The following PAAF1 variants were observed in gnomAD, a reference collection of about 807,000 sequenced individuals.
The protein encoded by PAAF1 is proteasomal ATPase-associated factor 1.
In PAAF1, 46 loss-of-function variants were observed where a neutral mutation model predicts 52.8. That is an observed-to-expected ratio of 0.87 (90% CI 0.69 to 1.11). The LOEUF (loss-of-function observed/expected upper bound fraction) is 1.11, where lower values mean the gene tolerates loss of function less well. Ranked by LOEUF, PAAF1 falls within the 50% of genes most tolerant of loss-of-function variation. The pLI, the probability that PAAF1 is intolerant of heterozygous loss-of-function variation, is 0.00. For missense variants in PAAF1, 424 were observed against 477.4 expected, an observed-to-expected ratio of 0.89 and a Z score of 1.04; for synonymous variants, 178 against 172.8, an observed-to-expected ratio of 1.03 and a Z score of -0.24.
rs1402977095 is a variant in PAAF1, at chr11:73,927,485, A to G, written c.*123A>G. 2 of 807,172 alleles carry G rather than the reference A, an allele frequency of 2.5e-6. No individual in the cohort carries two copies. Among genetic ancestry groups the G allele is most frequent in the African/African-American group, 3.4e-5 (2 of 58,746 alleles). The allele number at this position is 807,172 out of a possible 1,614,324, so 50.0% of individuals were successfully genotyped here. A position where few individuals can be genotyped will look rare whatever the true frequency, so the allele number is the denominator to read the frequency against. ...ATGTCTTGGGCACCCCTTGGAAATCACAGAAAGTCAGCTGTACTGGCCGTG... is the reference window on the plus strand; with the variant it reads ...ATGTCTTGGGCACCCCTTGGAAATCGCAGAAAGTCAGCTGTACTGGCCGTG... On this transcript the variant is annotated 3_prime_UTR_variant, in exon 12 of 12. Coordinates refer to ENST00000310571, the MANE Select transcript of PAAF1 (RefSeq NM_025155.3).
intron 6 of PAAF1, among the ~76,000 whole-genome samples, chr11:73,902,697 T>C (rs1292771279): frequency 6.6e-6 from 1 of 152,096 alleles, no homozygotes; most frequent in Non-Finnish European, 1.5e-5. Flanking sequence ...TATTTATTTA[T>C]TTATTATTAT....
chr11:73,908,348 T>C (rs906318231), intron 6 of PAAF1, among the ~76,000 whole-genome samples: 2 of 146,076 alleles, frequency 1.4e-5, no homozygotes, highest in African/African-American at 5.0e-5. Flanking sequence ...TGTATATATG[T>C]GTATATATGT....
At chr11:73,904,364 T>G (rs1949702038) in intron 6 of PAAF1, among the ~76,000 whole-genome samples, 1 of 152,174 alleles carries the variant, frequency 6.6e-6, no homozygotes, top group Non-Finnish European at 1.5e-5. Flanking sequence ...TTTGGGGATA[T>G]ACATTTATAA....
chr11:73,889,210 A>T (rs1427261106), intron 3 of PAAF1: 4 of 1,490,146 alleles, frequency 2.7e-6, no homozygotes, highest in Non-Finnish European at 3.6e-6. Flanking sequence ...CATGATTGCT[A>T]ATTTTTGCTG....
chr11:73,901,938 A>G (rs1348104525), intron 6 of PAAF1, among the ~76,000 whole-genome samples: 3 of 136,564 alleles, frequency 2.2e-5, no homozygotes, highest in Non-Finnish European at 4.6e-5. Context: ...AGCTCGGCTC[A>G]CTGCAACCTC....
intron 7 of PAAF1, among the ~76,000 whole-genome samples, chr11:73,911,462 C>T (rs937200378): frequency 1.3e-5 from 2 of 151,530 alleles, no homozygotes; most frequent in East Asian, 3.9e-4. Context: ...GGATTACAAG[C>T]ATGAGCCACA....
intron 6 of PAAF1, among the ~76,000 whole-genome samples, chr11:73,906,514 G>A (rs997278313): frequency 3.9e-5 from 6 of 152,164 alleles, no homozygotes; most frequent in African/African-American, 1.4e-4. Context: ...GACTCCCAAA[G>A]TGCTGGGATT....
rs1256631344 is a variant in PAAF1 at position 73,897,239 on chromosome 11, C to T, written c.283-1907C>T. Among the ~76,000 whole-genome samples, 263 of 147,964 alleles carry T rather than the reference C, an allele frequency of 1.8e-3. 9 individuals are homozygous for T. The highest frequency in any genetic ancestry group is 6.3e-3 in the African/African-American group (252 of 39,860). On this transcript the variant is annotated intron_variant, in intron 4 of 11. Coordinates refer to ENST00000310571, the MANE Select transcript of PAAF1 (RefSeq NM_025155.3). ...CGGCTGGCCGGGCGGGGGGCTGACCCCCCCCACCTCCCTCCCGGACGGGGC... is the reference window on the plus strand; with the variant it reads ...CGGCTGGCCGGGCGGGGGGCTGACCTCCCCCACCTCCCTCCCGGACGGGGC...
chr11:73,921,858 A>G lies in PAAF1; in HGVS notation c.1019-2757A>G. ...GTTTGGGATACATTGCATTAAGTGG[A>G]AAACCAGGTTCTCCAGGAATGGGAA... On this transcript the variant is annotated intron_variant, in intron 10 of 11. Coordinates refer to ENST00000310571, the MANE Select transcript of PAAF1 (RefSeq NM_025155.3). 1.8e-6 allele frequency: 2 copies of G among 1,122,776 alleles called. 1 individual carries two copies. Among genetic ancestry groups the G allele is most frequent in the South Asian group, 2.5e-5 (2 of 81,516 alleles). 69.6% of individuals were successfully genotyped at this position (1,122,776 alleles called of 1,614,324 possible). A position where few individuals can be genotyped will look rare whatever the true frequency, so the allele number is the denominator to read the frequency against.
intron 5 of PAAF1, 99 bp from the exon 6 acceptor site, chr11:73,900,171 C>A: frequency 7.8e-7 from 1 of 1,290,010 alleles, no homozygotes; most frequent in Non-Finnish European, 1.1e-6. Flanking sequence ...GTGGGTTTAG[C>A]ATGTAGGTAT....
At chr11:73,878,708 T>C (rs1426894891) in intron 1 of PAAF1, 71 bp from the exon 2 acceptor site, 2 of 1,425,328 alleles carry the variant, frequency 1.4e-6, no homozygotes, top group Non-Finnish European at 2.0e-6. Flanking sequence ...TGACCTTCTT[T>C]CTTCCCTTGT....
chr11:73,912,341 C>T (rs934683281), intron 7 of PAAF1, among the ~76,000 whole-genome samples: 2 of 152,228 alleles, frequency 1.3e-5, no homozygotes, highest in East Asian at 3.9e-4. Context: ...TTTGATCCCT[C>T]CCCACCCCAA....
chr11:73,914,383 T>G, intron 7 of PAAF1, 30 bp from the exon 8 acceptor site: 1 of 1,603,322 alleles, frequency 6.2e-7, no homozygotes, highest in Non-Finnish European at 8.5e-7. Flanking sequence ...TCAGCCTCAC[T>G]GTTATTAACA....
intron 4 of PAAF1, among the ~76,000 whole-genome samples, chr11:73,897,244 C>A (rs1388441990): frequency 7.4e-6 from 1 of 135,938 alleles, no homozygotes; most frequent in Non-Finnish European, 1.6e-5. Context: ...TGACCCCCCC[C>A]ACCTCCCTCC....
At chr11:73,893,738 CAAAAAAAAAAAAA>C (rs564348245) in intron 4 of PAAF1, among the ~76,000 whole-genome samples, 1,647 of 72,006 alleles carry the variant, frequency 0.023, 25 homozygotes, top group Non-Finnish European at 0.032. Flanking sequence ...ACTCTGTCTC[CAAAAAAAAAAAAA>C]AAAAAAAAAA....
chr11:73,878,876 A>T, intron 2 of PAAF1, 57 bp downstream of exon 2: 1 of 1,521,088 alleles, frequency 6.6e-7, no homozygotes, highest in Admixed American at 1.8e-5. Context: ...TAATACCCTT[A>T]AAAGAAAGCT....
chr11:73,896,849 G>T lies in PAAF1; in HGVS notation c.283-2297G>T, dbSNP rs575285536. ...GACGGGGTGGTGGCCGGGCAGAGGG[G>T]CTCCTCACTTCCCAGTAGGCGCGGC... is the stretch of plus-strand genomic sequence containing the variant. On this transcript the variant is annotated intron_variant, in intron 4 of 11. Transcript: ENST00000310571. Among the ~76,000 whole-genome samples, 3 of 151,868 alleles carry T rather than the reference G, an allele frequency of 2.0e-5. No individual in the cohort carries two copies. In the South Asian group the frequency reaches 6.2e-4, roughly 31 times the overall value.
chr11:73,877,117 G>A, intron 1 of PAAF1, 49 bp downstream of exon 1: 2 of 1,481,208 alleles, frequency 1.4e-6, no homozygotes, highest in Non-Finnish European at 1.8e-6. Context: ...AGTGGATGTT[G>A]CTTTGCGTCA....
At chr11:73,924,454 A>C (rs1174982489) in intron 10 of PAAF1, among the ~76,000 whole-genome samples, 161 bp from the exon 11 acceptor site, 6 of 151,618 alleles carry the variant, frequency 4.0e-5, no homozygotes, top group South Asian at 2.1e-4. Context: ...CTCAAAAAAC[A>C]AAAAAAAAGT....
Sources: allele counts gnomAD v4.1 joint callset (sites outside exome capture counted in the v4.1 genomes callset), GRCh38; gene constraint gnomAD v4.1.1; transcripts MANE v1.5; gene names NCBI Gene and HGNC (gene_info 2026-07-23, HGNC 2026-07-21).